Variants in MAP2K5 observed in about 807,000 individuals in gnomAD.
MAP2K5 encodes mitogen-activated protein kinase kinase 5, also known as dual specificity mitogen-activated protein kinase kinase 5.
In MAP2K5, 49 loss-of-function variants were observed where a neutral mutation model predicts 83.1. That is an observed-to-expected ratio of 0.59 (90% CI 0.47 to 0.75). MAP2K5 has a LOEUF of 0.75. MAP2K5 is among the 30% of genes least tolerant of loss of function. MAP2K5 has a pLI of 0.00. For synonymous variants in MAP2K5, 202 were observed against 191.8 expected (o/e 1.05, Z -0.44); for missense variants, 457 against 557.5 (o/e 0.82, Z 1.82).
Position 67,793,909 on chromosome 15 carries a change from C to G in MAP2K5, c.1243-12737C>G, listed in dbSNP as rs1240247621. On this transcript the variant is annotated intron_variant, in intron 21 of 21. Coordinates refer to ENST00000178640, the MANE Select transcript of MAP2K5 (RefSeq NM_145160.3). The surrounding 1 kb of genome is among the most constrained non-coding windows in gnomAD (Gnocchi z 4.6). ...AGGGAAAGTCCTTAGGTTCTAAAACCAGACTTAGATCTAGGCACATAGAAA... is the reference window on the plus strand; with the variant it reads ...AGGGAAAGTCCTTAGGTTCTAAAACGAGACTTAGATCTAGGCACATAGAAA... 2.6e-5 allele frequency among the ~76,000 whole-genome samples: 4 copies of G among 152,266 alleles called. No individual in the cohort carries two copies. The East Asian group carries it at 7.7e-4, about 29-fold the overall frequency.
chr15:67,646,525 T>A, intron 11 of MAP2K5, 56 bp downstream of exon 11: 1 of 970,910 alleles, frequency 1.0e-6, no homozygotes, highest in Non-Finnish European at 1.5e-6. Context: ...TATAGTGCTT[T>A]AAAACCTGGT....
At chr15:67,752,228 G>A (rs936778687) in intron 19 of MAP2K5, among the ~76,000 whole-genome samples, 6 of 151,830 alleles carry the variant, frequency 4.0e-5, no homozygotes, top group Admixed American at 2.6e-4. Flanking sequence ...ACCACACCTG[G>A]CCAATTTTTT....
Position 67,794,660 on chromosome 15 carries a change from C to T in MAP2K5, c.1243-11986C>T, listed in dbSNP as rs1339871001. On this transcript the variant is annotated intron_variant, in intron 21 of 21. Transcript: ENST00000178640. This position sits in a 1 kb window ranked among gnomAD's most constrained non-coding sequence, Gnocchi z 4.6. ...GCTGAAAAAAAAAAAAAAAAAAAGA[C>T]GGTACTTCATTTAGCGTTATTTACA... Among the ~76,000 whole-genome samples, 3 of 143,428 alleles carry T rather than the reference C, an allele frequency of 2.1e-5. No homozygotes were observed. In the Admixed American group the frequency reaches 2.1e-4, roughly 10 times the overall value. The allele number at this position is 143,428 out of a possible 152,430, so 94.1% of individuals were successfully genotyped here.
chr15:67,640,791 G>A lies in MAP2K5; in HGVS notation c.586-5440G>A, dbSNP rs761797752. Among the ~76,000 whole-genome samples, 1 of 152,046 alleles carries A rather than the reference G, an allele frequency of 6.6e-6. No homozygotes were observed. Among genetic ancestry groups the A allele is most frequent in the Non-Finnish European group, 1.5e-5 (1 of 67,998 alleles). On this transcript the variant is annotated intron_variant, in intron 9 of 21. Coordinates refer to ENST00000178640, the MANE Select transcript of MAP2K5 (RefSeq NM_145160.3). The surrounding 1 kb of genome is among the most constrained non-coding windows in gnomAD (Gnocchi z 4.6). Reference sequence around the variant, plus strand: ...TTTCCCTTTTTAGACTTCTGAGGTAGGAATATATTACAAGATATTTTTAAA... The same window carrying A: ...TTTCCCTTTTTAGACTTCTGAGGTAAGAATATATTACAAGATATTTTTAAA...
At chr15:67,592,238 C>T (rs2085431559) in intron 6 of MAP2K5, among the ~76,000 whole-genome samples, 1 of 152,008 alleles carries the variant, frequency 6.6e-6, no homozygotes, top group Admixed American at 6.5e-5. Context: ...GTCTCATACC[C>T]ATAGGAAAGG....
intron 17 of MAP2K5, among the ~76,000 whole-genome samples, chr15:67,737,844 C>CTTTTTT (rs35988425): frequency 3.3e-4 from 23 of 69,306 alleles, no homozygotes; most frequent in East Asian, 1.1e-3. Flanking sequence ...ATAGAATAGT[C>CTTTTTT]TTTTTTTTTT....
intron 16 of MAP2K5, among the ~76,000 whole-genome samples, chr15:67,711,295 G>A (rs191787848): frequency 1.2e-4 from 18 of 152,170 alleles, no homozygotes; most frequent in African/African-American, 4.1e-4. Flanking sequence ...ATAAATGCCC[G>A]TAAGTGTTTG....
At chr15:67,692,361 C>A in intron 13 of MAP2K5, 118 bp from the exon 14 acceptor site, 1 of 592,472 alleles carries the variant, frequency 1.7e-6, no homozygotes, top group Non-Finnish European at 3.0e-6. Context: ...ATTTGAATTT[C>A]GGATTGAGCA....
At chr15:67,688,423 CA>C (rs901438196) in intron 13 of MAP2K5, among the ~76,000 whole-genome samples, 1 of 152,162 alleles carries the variant, frequency 6.6e-6, no homozygotes, top group African/African-American at 2.4e-5. Flanking sequence ...AGCTTAGTAG[CA>C]TTGTTGAGGA....
intron 13 of MAP2K5, among the ~76,000 whole-genome samples, chr15:67,671,431 A>G (rs563215400): frequency 1.2e-4 from 18 of 152,176 alleles, no homozygotes; most frequent in Non-Finnish European, 2.5e-4. Context: ...TGAAGATAAG[A>G]GACTAAAGTA....
At chr15:67,613,741 A>G (rs755083356) in intron 8 of MAP2K5, among the ~76,000 whole-genome samples, 1 of 151,850 alleles carries the variant, frequency 6.6e-6, no homozygotes, top group East Asian at 1.9e-4. Context: ...AAGCTTCTCC[A>G]TACTCATTTT....
rs775372813 is a variant in MAP2K5 at position 67,543,446 on chromosome 15, G to C, written c.111G>C (p.Pro37=). 6.2e-7 allele frequency: 1 copy of C among 1,614,146 alleles called. No homozygotes were observed. The highest frequency in any genetic ancestry group is 1.1e-5 in the South Asian group (1 of 91,066). ...GAVDWTVHSG[P]QLLFRDVLDV... is the part of the protein sequence containing the mutation. ...TGGACTGGACAGTGCACTCCGGGCC[G>C]CAGTTACTCTTCAGGGATGTGCTGG... Residue 37 remains proline (P), a synonymous_variant, in exon 1 of 22, where the codon CCG becomes CCC. Coordinates refer to ENST00000178640, the MANE Select transcript of MAP2K5 (RefSeq NM_145160.3). This position sits in a 1 kb window ranked among gnomAD's most constrained non-coding sequence, Gnocchi z 4.3.
In MAP2K5 at chr15:67,716,290, A is replaced by G. The variant is rs189683472; in HGVS notation, c.1045-11626A>G. ...CAGGAGTTTGAGGCTGCAGTAAGCT[A>G]TGATCATGCCATTGCACTCCAGCAA... is the stretch of plus-strand genomic sequence containing the variant. On this transcript the variant is annotated intron_variant, in intron 16 of 21. Transcript: ENST00000178640. Among the ~76,000 whole-genome samples the G allele has an allele frequency of 1.1e-3, 167 of 152,266 alleles. 1 individual carries two copies. The highest frequency in any genetic ancestry group is 3.9e-3 in the African/African-American group (163 of 41,560).
chr15:67,737,562 AAATC>A, intron 17 of MAP2K5, among the ~76,000 whole-genome samples: 1 of 152,248 alleles, frequency 6.6e-6, no homozygotes, highest in South Asian at 2.1e-4. Context: ...TTCATTGAAA[AAATC>A]AATGAGTTGC....
At chr15:67,765,916 ATAAT>A (rs1343939575) in intron 19 of MAP2K5, among the ~76,000 whole-genome samples, 1 of 152,232 alleles carries the variant, frequency 6.6e-6, no homozygotes, top group Non-Finnish European at 1.5e-5. Context: ...TGCATAATTA[ATAAT>A]TAAACAGTTT....
chr15:67,792,544 G>A (rs187809350), intron 21 of MAP2K5, among the ~76,000 whole-genome samples: 18 of 152,246 alleles, frequency 1.2e-4, no homozygotes, highest in African/African-American at 3.6e-4. Context: ...CTCTCTGACC[G>A]TCTCTCTGGC....
chr15:67,543,858 C>T lies in MAP2K5; in HGVS notation c.135+388C>T, dbSNP rs1174328529. On this transcript the variant is annotated intron_variant, in intron 1 of 21. Transcript: ENST00000178640. The surrounding 1 kb of genome is among the most constrained non-coding windows in gnomAD (Gnocchi z 4.3). ...CTACTGAGTTCTCTGAACTTGGTGACCAGCTGAGAAAGGGAAAAAGGACAA... is the reference window on the plus strand; with the variant it reads ...CTACTGAGTTCTCTGAACTTGGTGATCAGCTGAGAAAGGGAAAAAGGACAA... Among the ~76,000 whole-genome samples the T allele has an allele frequency of 2.0e-5, 3 of 152,174 alleles. No homozygotes were observed. Among genetic ancestry groups the T allele is most frequent in the Non-Finnish European group, 4.4e-5 (3 of 68,028 alleles).
At chr15:67,804,090 A>G (rs2090753821) in intron 21 of MAP2K5, among the ~76,000 whole-genome samples, 1 of 152,070 alleles carries the variant, frequency 6.6e-6, no homozygotes, top group Admixed American at 6.6e-5. Flanking sequence ...GCAGGCAGAG[A>G]CGCTGCCAGG....
chr15:67,557,854 A>G, intron 2 of MAP2K5, among the ~76,000 whole-genome samples: 1 of 152,234 alleles, frequency 6.6e-6, no homozygotes, highest in East Asian at 1.9e-4. Context: ...TCATTTCCTT[A>G]AACTATTGTA....
Sources: gnomAD v4.1 joint callset for allele counts (sites outside exome capture counted in the v4.1 genomes callset) on GRCh38, gnomAD v4.1.1 for gene constraint, Gnocchi (gnomAD v3.1) non-coding constraint, MANE v1.5 for transcripts, NCBI Gene and HGNC (gene_info 2026-07-23, HGNC 2026-07-21) for gene names.